Variants in FAM184A observed in about 807,000 individuals in gnomAD.
FAM184A encodes the protein family with sequence similarity 184 member A.
Under a neutral mutation model 143.8 loss-of-function variants are expected in FAM184A, and 99 were observed. The observed-to-expected ratio is 0.69, with a 90% CI of 0.58 to 0.81. The LOEUF (loss-of-function observed/expected upper bound fraction) is 0.81, where lower values mean the gene tolerates loss of function less well. Among genes scored for constraint, FAM184A ranks in the 40% least tolerant of loss-of-function variants. The pLI is 0.00. For synonymous variants in FAM184A, 427 were observed against 446.4 expected (o/e 0.96, Z 0.55); for missense variants, 1,217 against 1,310.5 (o/e 0.93, Z 1.10).
intron 1 of FAM184A, among the ~76,000 whole-genome samples, chr6:119,065,517 T>C (rs1787417088): frequency 6.6e-6 from 1 of 152,216 alleles, no homozygotes; most frequent in Admixed American, 6.5e-5. Flanking sequence ...AATAGGTAAC[T>C]AACACGTGTC....
intron 1 of FAM184A, among the ~76,000 whole-genome samples, chr6:119,041,880 G>A (rs536744573): frequency 3.6e-4 from 55 of 152,166 alleles, no homozygotes; most frequent in East Asian, 3.5e-3. Flanking sequence ...CATGACCCAC[G>A]GCTTCTAATA....
At chr6:119,111,698 C>A (rs1788938977) in intron 1 of FAM184A, among the ~76,000 whole-genome samples, 1 of 152,110 alleles carries the variant, frequency 6.6e-6, no homozygotes, top group Admixed American at 6.6e-5. Flanking sequence ...ATGTTCTAGT[C>A]ACAATGCAAA....
chr6:119,097,487 G>T (rs565645976), intron 1 of FAM184A, among the ~76,000 whole-genome samples: 1 of 152,180 alleles, frequency 6.6e-6, no homozygotes, highest in Admixed American at 6.5e-5. Flanking sequence ...AAGGATTTGG[G>T]TACAAGCAGT....
At position 119,078,130 on chromosome 6, in the gene FAM184A, G is replaced by GC; in HGVS notation, c.159+10dup. The GC allele has an allele frequency of 1.9e-6, 3 of 1,579,212 alleles. No individual in the cohort carries two copies. Among genetic ancestry groups the GC allele is most frequent in the Admixed American group, 1.8e-5 (1 of 56,546 alleles). ...CGGGGTCGCCACCTGCCCCGTCGCTGCCCCCCTTACCTTGGTGAGCTGGGC... is the reference window on the plus strand; with the variant it reads ...CGGGGTCGCCACCTGCCCCGTCGCTGCCCCCCCTTACCTTGGTGAGCTGGGC... On this transcript the variant is annotated intron_variant, in intron 1 of 17. Coordinates refer to ENST00000338891, the MANE Select transcript of FAM184A (RefSeq NM_024581.6). This position sits in a 1 kb window ranked among gnomAD's most constrained non-coding sequence, Gnocchi z 5.5.
chr6:119,041,861 G>A (rs1447130793), intron 1 of FAM184A, among the ~76,000 whole-genome samples: 1 of 152,150 alleles, frequency 6.6e-6, no homozygotes, highest in Non-Finnish European at 1.5e-5. Flanking sequence ...GGGTTCCACG[G>A]TTCTCTTCCA....
chr6:119,006,721 T>C, intron 6 of FAM184A, 113 bp from the exon 7 acceptor site: 1 of 832,620 alleles, frequency 1.2e-6, no homozygotes, highest in Non-Finnish European at 1.8e-6. Flanking sequence ...GAATGGATGA[T>C]TTCCTGATTA....
In FAM184A at chr6:119,024,027, C is replaced by T. The variant is rs748229848; in HGVS notation, c.946G>A (p.Ala316Thr). ...KTELQMVQDE[A>T]GSLLDKCQKL... The stretch of plus-strand genomic sequence containing the variant: ...TGGCATTTGTCAAGAAGACTTCCAG[C>T]TTCATCCTGTACCATCTGTAACTCT... Residue 316 changes from alanine to threonine, a missense_variant, in exon 2 of 18, where the codon GCT (alanine) becomes ACT (threonine). Transcript: ENST00000338891. 1.2e-6 allele frequency: 2 copies of T among 1,612,976 alleles called. No individual in the cohort carries two copies. The highest frequency in any genetic ancestry group is 4.5e-5 in the East Asian group (2 of 44,884).
At chr6:119,075,240 A>G (rs1787830692) in intron 1 of FAM184A, among the ~76,000 whole-genome samples, 1 of 152,254 alleles carries the variant, frequency 6.6e-6, no homozygotes, top group South Asian at 2.1e-4. Flanking sequence ...TAAAGAGTTT[A>G]GCAGAAAACC....
At chr6:119,113,476 C>T (rs1788982723) in intron 1 of FAM184A, among the ~76,000 whole-genome samples, 1 of 150,948 alleles carries the variant, frequency 6.6e-6, no homozygotes, top group South Asian at 2.1e-4. Context: ...AACCTCACCA[C>T]CCCTAATCAT....
At position 118,990,865 on chromosome 6, in the gene FAM184A, G is replaced by T. The variant is rs1485376122; in HGVS notation, c.2089-10515C>A. 2.0e-5 allele frequency among the ~76,000 whole-genome samples: 3 copies of T among 152,110 alleles called. No homozygotes were observed. In the East Asian group the frequency reaches 5.8e-4, roughly 29 times the overall value. On this transcript the variant is annotated intron_variant, in intron 9 of 17. Coordinates refer to ENST00000338891, the MANE Select transcript of FAM184A (RefSeq NM_024581.6). ...AGATCACACCACTGCACTCCAGCAT[G>T]GGTGACAGAGTGAGACTCCAACTCA... is the stretch of plus-strand genomic sequence containing the variant.
chr6:118,966,780 C>A, intron 15 of FAM184A, 55 bp downstream of exon 15: 1 of 776,112 alleles, frequency 1.3e-6, no homozygotes. Context: ...CCATATTTTC[C>A]CAATCAATAT....
chr6:119,121,199 A>T (rs1416146055), intron 1 of FAM184A, among the ~76,000 whole-genome samples: 2 of 152,116 alleles, frequency 1.3e-5, no homozygotes, highest in Non-Finnish European at 2.9e-5. Context: ...TGGCAAGATC[A>T]TGGCTCACTT....
At chr6:118,980,397 T>C (rs369104949) in intron 9 of FAM184A, 47 bp from the exon 10 acceptor site, 2 of 1,454,516 alleles carry the variant, frequency 1.4e-6, no homozygotes, top group African/African-American at 2.8e-5. Context: ...CAAGGCATAG[T>C]TCACAAACTA....
intron 1 of FAM184A, among the ~76,000 whole-genome samples, chr6:119,070,322 T>C (rs1237970029): frequency 6.6e-6 from 1 of 152,200 alleles, no homozygotes; most frequent in Non-Finnish European, 1.5e-5. Flanking sequence ...AGTTAAAAGT[T>C]AAGAATCAGA....
At chr6:119,087,366 A>G (rs1416283483) in intron 1 of FAM184A, among the ~76,000 whole-genome samples, 21 of 152,230 alleles carry the variant, frequency 1.4e-4, no homozygotes, top group Non-Finnish European at 2.9e-4. Context: ...TATCCAGAGC[A>G]TATAAAGAAT....
At chr6:118,969,228 G>T (rs1449191300) in intron 14 of FAM184A, among the ~76,000 whole-genome samples, 1 of 152,164 alleles carries the variant, frequency 6.6e-6, no homozygotes, top group African/African-American at 2.4e-5. Context: ...ATGCTGAACT[G>T]TGAGTCAATT....
At chr6:119,001,717 G>C (rs962764987) in intron 9 of FAM184A, among the ~76,000 whole-genome samples, 2 of 152,148 alleles carry the variant, frequency 1.3e-5, no homozygotes, top group African/African-American at 4.8e-5. Flanking sequence ...AACTGTCTAT[G>C]TTCAATACTT....
chr6:119,098,331 G>C (rs1370452162), intron 1 of FAM184A, among the ~76,000 whole-genome samples: 1 of 152,046 alleles, frequency 6.6e-6, no homozygotes, highest in Admixed American at 6.6e-5. Context: ...AATTAGTCTC[G>C]AGTATGTCTT....
At position 118,982,624 on chromosome 6, in the gene FAM184A, A is replaced by G. The variant is rs118161743; in HGVS notation, c.2089-2274T>C. Among the ~76,000 whole-genome samples, 133 of 152,358 alleles carry G rather than the reference A, an allele frequency of 8.7e-4. No homozygotes were observed. The East Asian group carries it at 0.023, about 26-fold the overall frequency. ...TAGGCTAGCAGTGGCCCTGGATCCC[A>G]TCCTCAAATTTAGTGTGTACTTCAA... On this transcript the variant is annotated intron_variant, in intron 9 of 17. Transcript: ENST00000338891.
Sources: gnomAD v4.1 joint callset for allele counts (sites outside exome capture counted in the v4.1 genomes callset) on GRCh38, gnomAD v4.1.1 for gene constraint, Gnocchi (gnomAD v3.1) non-coding constraint, MANE v1.5 for transcripts, NCBI Gene and HGNC (gene_info 2026-07-23, HGNC 2026-07-21) for gene names.